Variants in NAV1 observed in about 807,000 individuals in gnomAD.
NAV1 encodes the protein neuron navigator 1.
NAV1 carries 18 observed loss-of-function variants against 175.2 expected under a neutral mutation model. The ratio of observed to expected loss-of-function variants is 0.10; its 90% CI spans 0.07 to 0.15. The LOEUF is 0.15. Among genes scored for constraint, NAV1 ranks in the 10% least tolerant of loss-of-function variants. The pLI, the probability that NAV1 is intolerant of heterozygous loss-of-function variation, is 1.00. For synonymous variants in NAV1, 897 were observed against 978.7 expected, an observed-to-expected ratio of 0.92 and a Z score of 1.56; for missense variants, 1,731 against 2,436.6, an observed-to-expected ratio of 0.71 and a Z score of 6.10.
intron 1 of NAV1, among the ~76,000 whole-genome samples, chr1:201,573,927 G>A (rs144616630): frequency 3.2e-4 from 49 of 152,152 alleles, no homozygotes; most frequent in African/African-American, 8.9e-4. Flanking sequence ...ACGGTGGCAC[G>A]TGCCTGTAGT....
exon 1 of NAV1, chr1:201,649,160 C>A (rs568857173): frequency 1.9e-6 from 3 of 1,611,824 alleles, no homozygotes; most frequent in East Asian, 2.2e-5. Context: ...TGGCTCCGCT[C>A]GCGCCCAACC....
At chr1:201,767,453 AAAAAATAAAAAT>A (rs543256166) in intron 3 of NAV1, among the ~76,000 whole-genome samples, 48 of 148,124 alleles carry the variant, frequency 3.2e-4, no homozygotes, top group African/African-American at 1.1e-3. Context: ...TCCGCCTCAA[AAAAAATAAAAAT>A]AAAAATAAAA....
chr1:201,648,516 TCTCTCC>T, exon 1 of NAV1: 1 of 1,231,434 alleles, frequency 8.1e-7, no homozygotes, highest in Non-Finnish European at 1.0e-6. Flanking sequence ...CCTCCCTCGC[TCTCTCC>T]CCCTTCTCTC....
At chr1:201,720,183 G>A (rs1352357828) in intron 3 of NAV1, among the ~76,000 whole-genome samples, 1 of 152,192 alleles carries the variant, frequency 6.6e-6, no homozygotes, top group African/African-American at 2.4e-5. Flanking sequence ...TGTGTGAGGA[G>A]CTGCTCCACA....
At chr1:201,698,438 G>A (rs1671278526) in intron 1 of NAV1, among the ~76,000 whole-genome samples, 1 of 152,250 alleles carries the variant, frequency 6.6e-6, no homozygotes, top group African/African-American at 2.4e-5. Flanking sequence ...GTGGCTGCTG[G>A]TCAGGGCACA....
At chr1:201,756,860 CTTTCTTTCTTTCTT>C (rs529013864) in intron 3 of NAV1, among the ~76,000 whole-genome samples, 1 of 110,042 alleles carries the variant, frequency 9.1e-6, no homozygotes, top group African/African-American at 3.5e-5. Context: ...TTCTTTCTTT[CTTTCTTTCTTTCTT>C]TCTTTCTTTC....
chr1:201,670,611 G>T (rs1670005902), intron 1 of NAV1, among the ~76,000 whole-genome samples: 1 of 151,672 alleles, frequency 6.6e-6, no homozygotes, highest in East Asian at 2.0e-4. Flanking sequence ...ATTTTTTGTT[G>T]ATGATGGCAG....
In NAV1 at chr1:201,813,185, G is replaced by A. The variant is rs140880326; in HGVS notation, c.5267G>A (p.Arg1756Gln). The A allele has an allele frequency of 1.1e-5, 17 of 1,613,894 alleles. No homozygotes were observed. The highest frequency in any genetic ancestry group is 1.4e-5 in the Non-Finnish European group (16 of 1,180,018). Reference sequence around the variant, plus strand: ...TGTCCCATTGGCATTGAGGACTTCCGGACCTGGTTCATTGACCTGTGGAAC... The same window carrying A: ...TGTCCCATTGGCATTGAGGACTTCCAGACCTGGTTCATTGACCTGTGGAAC... Residue 1756 changes from arginine (R) to glutamine (Q), a missense_variant, in exon 28 of 30, where the codon CGG (arginine) becomes CAG (glutamine). Coordinates refer to ENST00000367296, the Ensembl canonical transcript of NAV1. This position sits in a 1 kb window ranked among gnomAD's most constrained non-coding sequence, Gnocchi z 4.2.
exon 30 of NAV1, chr1:201,821,783 G>A (rs777850627): frequency 1.3e-5 from 2 of 152,240 alleles, no homozygotes; most frequent in Admixed American, 1.3e-4. Context: ...GAATGGGCAA[G>A]TCTACTTCCT....
chr1:201,568,157 G>C (rs1181328331), intron 1 of NAV1, among the ~76,000 whole-genome samples: 1 of 152,166 alleles, frequency 6.6e-6, no homozygotes, highest in Admixed American at 6.5e-5. Context: ...AAAAGGCAGT[G>C]GGGGGCAGCT....
At chr1:201,769,763 G>T (rs1675448871) in intron 3 of NAV1, among the ~76,000 whole-genome samples, 1 of 151,598 alleles carries the variant, frequency 6.6e-6, no homozygotes, top group African/African-American at 2.4e-5. Context: ...AGAAGAAAAA[G>T]AAAAAAAAGA....
intron 17 of NAV1, among the ~76,000 whole-genome samples, chr1:201,806,900 C>G (rs776558166): frequency 1.3e-5 from 2 of 152,210 alleles, no homozygotes; most frequent in African/African-American, 2.4e-5. Context: ...CCAGGAGAGA[C>G]GCTTAGAAAG....
intron 2 of NAV1, among the ~76,000 whole-genome samples, chr1:201,612,621 G>T (rs1376339475): frequency 6.6e-6 from 1 of 152,204 alleles, no homozygotes; most frequent in Non-Finnish European, 1.5e-5. Context: ...GGGGCAAACA[G>T]GTTCCTTCAA....
intron 15 of NAV1, 77 bp from the exon 20 acceptor site, chr1:201,803,516 C>T (rs1678070295): frequency 2.0e-6 from 3 of 1,495,854 alleles, no homozygotes; most frequent in African/African-American, 1.4e-5. Flanking sequence ...CTCTTATCTT[C>T]TGCCACTAGA....
rs148789473 is a variant in NAV1, at chr1:201,813,159, G to A, written c.5241G>A (p.Ser1747=). The A allele has an allele frequency of 7.0e-5, 113 of 1,613,732 alleles. No individual in the cohort carries two copies. The highest frequency in any genetic ancestry group is 5.3e-4 in the South Asian group (48 of 91,056). ...CCCTAGGCCCTTGCTTCTTTCTGTC[G>A]TGTCCCATTGGCATTGAGGACTTCC... Residue 1747 remains serine, a synonymous_variant, in exon 28 of 30, where the codon TCG becomes TCA. Coordinates refer to ENST00000367296, the Ensembl canonical transcript of NAV1. The surrounding 1 kb of genome is among the most constrained non-coding windows in gnomAD (Gnocchi z 4.2).
At chr1:201,619,235 C>T (rs1011160369), upstream of NAV1, among the ~76,000 whole-genome samples, 1 of 152,278 alleles carries the variant, frequency 6.6e-6, no homozygotes, top group Admixed American at 6.5e-5. Flanking sequence ...GACGCAGCCT[C>T]CTCAGCCTTA....
At chr1:201,802,543 G>A (rs1677996256) in intron 15 of NAV1, among the ~76,000 whole-genome samples, 1 of 151,470 alleles carries the variant, frequency 6.6e-6, no homozygotes, top group Non-Finnish European at 1.5e-5. Context: ...CACTTTGGGA[G>A]GCTGAGGTGG....
intron 1 of NAV1, among the ~76,000 whole-genome samples, chr1:201,627,279 C>CA (rs1558025155): frequency 6.8e-6 from 1 of 146,304 alleles, no homozygotes; most frequent in Non-Finnish European, 1.5e-5. Context: ...TTTTCTTTTT[C>CA]TTTTTTTTTT....
intron 3 of NAV1, among the ~76,000 whole-genome samples, chr1:201,771,238 C>CA (rs3054144): frequency 0.047 from 4,338 of 92,608 alleles, 246 homozygotes; most frequent in Middle Eastern, 0.081. Context: ...GACTCCGTCT[C>CA]AAAAAAAAAA....
Sources: allele counts gnomAD v4.1 joint callset (sites outside exome capture counted in the v4.1 genomes callset), GRCh38; gene constraint gnomAD v4.1.1; non-coding constraint Gnocchi (gnomAD v3.1); transcripts MANE v1.5; gene names NCBI Gene and HGNC (gene_info 2026-07-23, HGNC 2026-07-21).